PDE10A: variants seen among roughly 807,000 people sequenced by gnomAD.
PDE10A encodes the protein phosphodiesterase 10A.
Under a neutral mutation model 97.7 loss-of-function variants are expected in PDE10A, and 39 were observed. That is an observed-to-expected ratio of 0.40 (90% CI 0.31 to 0.52). The LOEUF (loss-of-function observed/expected upper bound fraction) is 0.52. Ranked by LOEUF, PDE10A falls within the 20% of genes least tolerant of loss-of-function variation. The probability of loss-of-function intolerance (pLI) is 0.56; values close to 1 mark genes in which losing one functional copy is unlikely to be tolerated. For synonymous variants in PDE10A, 371 were observed against 376.8 expected (o/e 0.98, Z 0.18); for missense variants, 731 against 1,047.8 (o/e 0.70, Z 4.17).
chr6:165,821,520 T>C (rs1779569433), intron 1 of PDE10A, among the ~76,000 whole-genome samples: 1 of 132,778 alleles, frequency 7.5e-6, no homozygotes, highest in South Asian at 3.0e-4. Flanking sequence ...TTATAATTAT[T>C]ATTATTATTT....
intron 11 of PDE10A, among the ~76,000 whole-genome samples, chr6:165,417,240 T>C (rs1788382439): frequency 6.6e-6 from 1 of 152,216 alleles, no homozygotes; most frequent in African/African-American, 2.4e-5. Flanking sequence ...TTTCCTGGTT[T>C]TCTTGTGCTT....
intron 1 of PDE10A, among the ~76,000 whole-genome samples, chr6:165,721,031 A>G (rs1206497745): frequency 3.3e-5 from 5 of 152,242 alleles, no homozygotes; most frequent in Non-Finnish European, 2.9e-5. Context: ...GGCATTAAGA[A>G]TGTTACACGG....
At chr6:165,648,917 G>A (rs534526958) in intron 1 of PDE10A, among the ~76,000 whole-genome samples, 46 of 152,284 alleles carry the variant, frequency 3.0e-4, no homozygotes, top group East Asian at 2.7e-3. Flanking sequence ...TGAAAGGACC[G>A]TGCAGCCACC....
chr6:165,646,019 A>C (rs894976264), intron 1 of PDE10A, among the ~76,000 whole-genome samples: 4 of 152,182 alleles, frequency 2.6e-5, no homozygotes, highest in African/African-American at 9.7e-5. Flanking sequence ...CCAGCAAGAC[A>C]AACAGCAGGT....
intron 1 of PDE10A, among the ~76,000 whole-genome samples, chr6:165,723,569 G>T (rs1792217314): frequency 6.6e-6 from 1 of 152,302 alleles, no homozygotes; most frequent in African/African-American, 2.4e-5. Flanking sequence ...CTTCTGCTGG[G>T]CCGTGTGAAT....
rs576855345 is a variant in PDE10A at position 165,592,925 on chromosome 6, T to G, written c.866-49357A>C. ...AGGGATCTAGAACTAGAAATACCAT[T>G]TGACCCAGCCATCCCATTACTGGGT... On this transcript the variant is annotated intron_variant, in intron 1 of 21. Coordinates refer to ENST00000539869, the MANE Select transcript of PDE10A (RefSeq NM_001385079.1). Among the ~76,000 whole-genome samples, 800 of 152,304 alleles carry G rather than the reference T, an allele frequency of 5.3e-3. 4 individuals carry two copies. Among genetic ancestry groups the G allele is most frequent in the Non-Finnish European group, 9.6e-3 (651 of 68,026 alleles).
chr6:165,606,611 A>C (rs947022791), intron 1 of PDE10A, among the ~76,000 whole-genome samples: 1 of 152,184 alleles, frequency 6.6e-6, no homozygotes, highest in African/African-American at 2.4e-5. Flanking sequence ...CAGGAGGAAA[A>C]CCAGAAATAC....
intron 19 of PDE10A, among the ~76,000 whole-genome samples, chr6:165,341,836 C>G (rs568822547): frequency 1.3e-5 from 2 of 152,300 alleles, no homozygotes; most frequent in South Asian, 4.1e-4. Flanking sequence ...TCACTTTTTA[C>G]TGTGATACAC....
chr6:165,781,447 C>T (rs978044474), intron 1 of PDE10A: 5 of 152,218 alleles, frequency 3.3e-5, no homozygotes, highest in Admixed American at 6.5e-5. Context: ...AGAGAAAGTA[C>T]ACACCAACTA....
chr6:165,669,174 A>G (rs1790578708), intron 1 of PDE10A, among the ~76,000 whole-genome samples: 1 of 152,222 alleles, frequency 6.6e-6, no homozygotes, highest in African/African-American at 2.4e-5. Flanking sequence ...CTTATGAGGA[A>G]AATAACTCAC....
chr6:165,898,733 C>CTGAGAGACAAAGA (rs1782024785), intron 1 of PDE10A, among the ~76,000 whole-genome samples: 3 of 152,118 alleles, frequency 2.0e-5, no homozygotes, highest in Non-Finnish European at 2.9e-5. Context: ...GCCCTCAGGT[C>CTGAGAGACAAAGA]ATTCCTCTCC....
intron 18 of PDE10A, among the ~76,000 whole-genome samples, chr6:165,365,736 T>G (rs1384613727): frequency 6.6e-6 from 1 of 152,158 alleles, no homozygotes; most frequent in Non-Finnish European, 1.5e-5. Flanking sequence ...TGAATTAAAT[T>G]AAATTAAAAT....
intron 2 of PDE10A, among the ~76,000 whole-genome samples, chr6:165,535,886 T>G (rs1345054068): frequency 6.6e-6 from 1 of 151,928 alleles, no homozygotes; most frequent in Non-Finnish European, 1.5e-5. Context: ...TATTAAAATG[T>G]CCATACTACC....
intron 18 of PDE10A, among the ~76,000 whole-genome samples, chr6:165,375,325 TTGA>T (rs1784547656): frequency 6.6e-6 from 1 of 152,218 alleles, no homozygotes; most frequent in Non-Finnish European, 1.5e-5. Context: ...ACAAGTGTTC[TTGA>T]TGATATGAAG....
At position 165,863,236 on chromosome 6, in the gene PDE10A, G is replaced by T. The variant is rs183244208; in HGVS notation, c.-615+124293C>A. ...TTCATTGTTGTCTTCTGGCTTTTAT[G>T]CATTTAGCTTTCATTTCGGGTTGCT... On this transcript the variant is annotated intron_variant, in intron 1 of 19. Transcript: ENST00000366882. Among the ~76,000 whole-genome samples the T allele has an allele frequency of 4.7e-4, 72 of 152,238 alleles. 2 individuals carry two copies. Among genetic ancestry groups the T allele is most frequent in the Non-Finnish European group, 9.9e-4 (67 of 68,002 alleles).
intron 2 of PDE10A, among the ~76,000 whole-genome samples, chr6:165,542,775 T>C (rs4709948): frequency 0.29 from 43,888 of 150,990 alleles, 6,940 homozygotes; most frequent in African/African-American, 0.43. Flanking sequence ...CCCACCACCA[T>C]GCCCGGCTAA....
chr6:165,985,777 A>T (rs978433828), intron 1 of PDE10A, among the ~76,000 whole-genome samples: 1 of 152,152 alleles, frequency 6.6e-6, no homozygotes, highest in Non-Finnish European at 1.5e-5. Context: ...ACAGCCAGGC[A>T]GGCATGAGGG....
At chr6:165,712,331 G>T (rs1260911402) in intron 1 of PDE10A, among the ~76,000 whole-genome samples, 1 of 152,164 alleles carries the variant, frequency 6.6e-6, no homozygotes, top group African/African-American at 2.4e-5. Context: ...TCTACAACAC[G>T]TGATGTGCGG....
chr6:165,942,377 CCT>C (rs1283427278), intron 1 of PDE10A, among the ~76,000 whole-genome samples: 4 of 151,948 alleles, frequency 2.6e-5, no homozygotes, highest in African/African-American at 9.7e-5. Flanking sequence ...GTTATTGTTC[CCT>C]GTTTTGTTTC....
Sources: gnomAD v4.1 joint callset for allele counts (sites outside exome capture counted in the v4.1 genomes callset) on GRCh38, gnomAD v4.1.1 for gene constraint, MANE v1.5 for transcripts, NCBI Gene and HGNC (gene_info 2026-07-23, HGNC 2026-07-21) for gene names.